The following HEBP2 variants were observed in gnomAD, a reference collection of about 807,000 sequenced individuals.
HEBP2 encodes heme binding protein 2, also known as heme-binding protein 2.
A neutral mutation model predicts 23.1 loss-of-function variants in HEBP2; 27 were observed. The observed-to-expected ratio is 1.17, with a 90% CI of 0.86 to 1.61. The LOEUF (loss-of-function observed/expected upper bound fraction) is 1.61, where lower values mean the gene tolerates loss of function less well. HEBP2 is among the 40% of genes most tolerant of loss of function. HEBP2 has a pLI of 0.00. For missense variants in HEBP2, 245 were observed against 253.8 expected (o/e 0.97, Z 0.24); for synonymous variants, 99 against 95.1 (o/e 1.04, Z -0.24).
At chr6:138,412,222 C>G in intron 3 of HEBP2, 1 of 348,742 alleles carries the variant, frequency 2.9e-6, no homozygotes, top group South Asian at 2.1e-5. Flanking sequence ...AGGCCCCACC[C>G]CAGACCTGAA....
chr6:138,405,826 C>G (rs1774634688), intron 2 of HEBP2, 145 bp from the exon 3 acceptor site: 2 of 685,412 alleles, frequency 2.9e-6, no homozygotes, highest in Non-Finnish European at 4.7e-6. Flanking sequence ...TAATTTTGGC[C>G]TTACTGTTTT....
chr6:138,412,038 CTG>C (rs869264339), intron 3 of HEBP2: 4 of 447,980 alleles, frequency 8.9e-6, no homozygotes, highest in East Asian at 1.4e-4. Flanking sequence ...GAGGTGAAAA[CTG>C]TATCATATTC....
rs1774946938 is a variant in HEBP2 at position 138,421,892 on chromosome 6, CCT to C, written c.*8817_*8818del. ...ATCCAGTGTCTGTGATGTTCCACCT[CCT>C]CTGTTGGGTTGTCACCTCCCCCAGA... is the stretch of plus-strand genomic sequence containing the variant. On this transcript the variant is annotated 3_prime_UTR_variant, in exon 4 of 4. Coordinates refer to ENST00000607197, the MANE Select transcript of HEBP2 (RefSeq NM_014320.3). 2.0e-5 allele frequency: 3 copies of C among 152,308 alleles called. No homozygotes were observed. Among genetic ancestry groups the C allele is most frequent in the African/African-American group, 7.2e-5 (3 of 41,568 alleles). 9.4% of individuals were successfully genotyped at this position (152,308 alleles called of 1,614,324 possible).
chr6:138,404,061 G>A (rs943339852), upstream of HEBP2, among the ~76,000 whole-genome samples: 2 of 152,060 alleles, frequency 1.3e-5, no homozygotes, highest in East Asian at 3.9e-4. Context: ...GCGGTTCCCA[G>A]CGCGGGCGGG....
rs1774877089 is a variant in HEBP2, at chr6:138,418,888, A to C, written c.*5810A>C. ...GGAGGACAGGTAAAATATTTATGGA[A>C]GTGGCAGAAAATGGCCTGCCAGCTG... On this transcript the variant is annotated 3_prime_UTR_variant, in exon 4 of 4. Transcript: ENST00000607197. The C allele has an allele frequency of 6.6e-6, 1 of 152,208 alleles. No homozygotes were observed. Among genetic ancestry groups the C allele is most frequent in the Non-Finnish European group, 1.5e-5 (1 of 68,052 alleles). The allele number at this position is 152,208 out of a possible 1,614,324, so 9.4% of individuals were successfully genotyped here. A position where few individuals can be genotyped will look rare whatever the true frequency, so the allele number is the denominator to read the frequency against.
chr6:138,413,271 G>C lies in HEBP2; in HGVS notation c.*193G>C. 1.8e-6 allele frequency: 1 copy of C among 540,656 alleles called. No homozygotes were observed. The highest frequency in any genetic ancestry group is 3.3e-6 in the Non-Finnish European group (1 of 303,620). 33.5% of individuals were successfully genotyped at this position (540,656 alleles called of 1,614,324 possible). A position where few individuals can be genotyped will look rare whatever the true frequency, so the allele number is the denominator to read the frequency against. On this transcript the variant is annotated 3_prime_UTR_variant, in exon 4 of 4. Transcript: ENST00000607197. ...CACAGGTAACAGAGGACAGTAGTCT[G>C]TAAACATATAAATCGGTCATAACTA...
chr6:138,411,159 A>T (rs547118549), intron 3 of HEBP2, among the ~76,000 whole-genome samples: 6 of 152,354 alleles, frequency 3.9e-5, no homozygotes, highest in African/African-American at 1.4e-4. Flanking sequence ...TCATGCTTGC[A>T]TGTCAGCAGC....
rs1774889243 is a variant in HEBP2, at chr6:138,419,671, T to A, written c.*6593T>A. 6.6e-6 allele frequency: 1 copy of A among 152,146 alleles called. No individual in the cohort carries two copies. Among genetic ancestry groups the A allele is most frequent in the South Asian group, 2.1e-4 (1 of 4,820 alleles). 9.4% of individuals were successfully genotyped at this position (152,146 alleles called of 1,614,324 possible). On this transcript the variant is annotated 3_prime_UTR_variant, in exon 4 of 4. Transcript: ENST00000607197. ...CGTCTCCTGCACACAGTATACTTAT[T>A]GAATCAGAAAGCCTGTATGATGCTG...
In HEBP2 at chr6:138,404,590, G is replaced by GCCCCCAGGTAGGCGCCGA; in HGVS notation, c.97_102+12dup. 7.8e-7 allele frequency: 1 copy of GCCCCCAGGTAGGCGCCGA among 1,290,036 alleles called. No individual in the cohort carries two copies. The highest frequency in any genetic ancestry group is 9.8e-7 in the Non-Finnish European group (1 of 1,019,376). 79.9% of individuals were successfully genotyped at this position (1,290,036 alleles called of 1,614,324 possible). A position where few individuals can be genotyped will look rare whatever the true frequency, so the allele number is the denominator to read the frequency against. ...GGCTGGAAGGCCCCGGAGGACGCCG[G>GCCCCCAGGTAGGCGCCGA]CCCCCAGGTAGGCGCCGACTCGGGA... On this transcript the variant is annotated inframe_insertion, in exon 1 of 4. Coordinates refer to ENST00000607197, the MANE Select transcript of HEBP2 (RefSeq NM_014320.3).
In HEBP2 at chr6:138,412,976, G is replaced by T; in HGVS notation, c.516G>T (p.Lys172Asn). The change falls in exon 4 of 4, where the codon AAG (lysine) becomes AAT (asparagine). Residue 172 changes from lysine (K) to asparagine (N), a missense_variant. Physicochemically the swap from Lys to Asn is moderately conservative, Grantham distance 94. Coordinates refer to ENST00000607197, the MANE Select transcript of HEBP2 (RefSeq NM_014320.3). ...AAGATGGAAAAGTTTTCGATGAGAA[G>T]GTTTACTACACTGCAGGCTACAACA... ...LREDGKVFDEKVYYTAGYNSP... is the reference protein window; with the variant it reads ...LREDGKVFDENVYYTAGYNSP... The T allele has an allele frequency of 6.2e-7, 1 of 1,614,002 alleles. No homozygotes were observed. The highest frequency in any genetic ancestry group is 1.1e-5 in the South Asian group (1 of 91,076).
In HEBP2 at chr6:138,413,326, G is replaced by T; in HGVS notation, c.*248G>T. Reference sequence around the variant, plus strand: ...GGTCTTTATTTCTGTGAGGATCTAGGGAAATTTCATGTCACTTCCCTCCTT... The same window carrying T: ...GGTCTTTATTTCTGTGAGGATCTAGTGAAATTTCATGTCACTTCCCTCCTT... On this transcript the variant is annotated 3_prime_UTR_variant, in exon 4 of 4. Coordinates refer to ENST00000607197, the MANE Select transcript of HEBP2 (RefSeq NM_014320.3). 1 of 368,852 alleles carries T rather than the reference G, an allele frequency of 2.7e-6. No homozygotes were observed. The highest frequency in any genetic ancestry group is 4.9e-6 in the Non-Finnish European group (1 of 203,614). 22.8% of individuals were successfully genotyped at this position (368,852 alleles called of 1,614,324 possible).
Position 138,413,349 on chromosome 6 carries a change from C to A in HEBP2, c.*271C>A. On this transcript the variant is annotated 3_prime_UTR_variant, in exon 4 of 4. Coordinates refer to ENST00000607197, the MANE Select transcript of HEBP2 (RefSeq NM_014320.3). ...AGGGAAATTTCATGTCACTTCCCTC[C>A]TTCACTGCATCACAATCATATTCCC... 1 of 337,154 alleles carries A rather than the reference C, an allele frequency of 3.0e-6. No homozygotes were observed. The highest frequency in any genetic ancestry group is 5.5e-6 in the Non-Finnish European group (1 of 183,314). 20.9% of individuals were successfully genotyped at this position (337,154 alleles called of 1,614,324 possible). A position where few individuals can be genotyped will look rare whatever the true frequency, so the allele number is the denominator to read the frequency against.
intron 3 of HEBP2, among the ~76,000 whole-genome samples, chr6:138,408,308 C>T (rs1774684192): frequency 6.6e-6 from 1 of 152,204 alleles, no homozygotes; most frequent in Admixed American, 6.5e-5. Context: ...TCAAGAGAAG[C>T]GAAGCCACAT....
chr6:138,404,756 C>T (rs1774610088), intron 1 of HEBP2, among the ~76,000 whole-genome samples, 159 bp downstream of exon 1: 1 of 152,212 alleles, frequency 6.6e-6, no homozygotes, highest in Non-Finnish European at 1.5e-5. Context: ...GGTCATTTAG[C>T]TCTACCCTCC....
rs544894943 is a variant in HEBP2 at position 138,417,919 on chromosome 6, A to G, written c.*4841A>G. The G allele has an allele frequency of 4.6e-5, 7 of 152,364 alleles. No homozygotes were observed. Among genetic ancestry groups the G allele is most frequent in the Middle Eastern group, 3.4e-3 (1 of 294 alleles). The allele number at this position is 152,364 out of a possible 1,614,324, so 9.4% of individuals were successfully genotyped here. A position where few individuals can be genotyped will look rare whatever the true frequency, so the allele number is the denominator to read the frequency against. ...ATGGGTCATCAGGTGGAGTCCTCCA[A>G]CAGGTGTTGCCTTAGTACTGAGGTC... is the stretch of plus-strand genomic sequence containing the variant. On this transcript the variant is annotated 3_prime_UTR_variant, in exon 4 of 4. Transcript: ENST00000607197.
chr6:138,411,896 C>T (rs1774751799), intron 3 of HEBP2, among the ~76,000 whole-genome samples: 1 of 152,006 alleles, frequency 6.6e-6, no homozygotes, highest in South Asian at 2.1e-4. Context: ...GGATGCTCTG[C>T]CACCATATTC....
chr6:138,404,693 T>C (rs1774608192), intron 1 of HEBP2, 96 bp downstream of exon 1: 2 of 752,420 alleles, frequency 2.7e-6, no homozygotes, highest in Non-Finnish European at 3.7e-6. Flanking sequence ...AAAAGTACAG[T>C]TTTTTAAATG....
intron 3 of HEBP2, among the ~76,000 whole-genome samples, chr6:138,412,431 T>A (rs1366138504): frequency 6.6e-6 from 1 of 152,174 alleles, no homozygotes; most frequent in African/African-American, 2.4e-5. Context: ...GGTCAGTTCA[T>A]CTGCTGAGAG....
rs1252690149 is a variant in HEBP2 at position 138,421,901 on chromosome 6, G to A, written c.*8823G>A. ...CTGTGATGTTCCACCTCCTCTGTTG[G>A]GTTGTCACCTCCCCCAGAGACCTTC... On this transcript the variant is annotated 3_prime_UTR_variant, in exon 4 of 4. Transcript: ENST00000607197. 1 of 152,078 alleles carries A rather than the reference G, an allele frequency of 6.6e-6. No individual in the cohort carries two copies. The highest frequency in any genetic ancestry group is 1.5e-5 in the Non-Finnish European group (1 of 68,032). The allele number at this position is 152,078 out of a possible 1,614,324, so 9.4% of individuals were successfully genotyped here. A position where few individuals can be genotyped will look rare whatever the true frequency, so the allele number is the denominator to read the frequency against.
Sources: allele counts gnomAD v4.1 joint callset (sites outside exome capture counted in the v4.1 genomes callset), GRCh38; gene constraint gnomAD v4.1.1; transcripts MANE v1.5; gene names NCBI Gene and HGNC (gene_info 2026-07-23, HGNC 2026-07-21).